The following CDK13 variants were observed in gnomAD, a reference collection of about 807,000 sequenced individuals.
CDK13 encodes cyclin dependent kinase 13.
In CDK13, 40 loss-of-function variants were observed where a neutral mutation model predicts 137.6. The observed-to-expected ratio is 0.29, with a 90% CI of 0.23 to 0.38. CDK13 has a LOEUF of 0.38. CDK13 is among the 10% of genes least tolerant of loss of function. The probability of loss-of-function intolerance (pLI) is 1.00; values close to 1 mark genes in which losing one functional copy is unlikely to be tolerated. For missense variants in CDK13, 1,704 were observed against 1,951.8 expected (o/e 0.87, Z 2.39); for synonymous variants, 869 against 760.1 (o/e 1.14, Z -2.36).
intron 5 of CDK13, among the ~76,000 whole-genome samples, chr7:40,018,277 G>A (rs1397738707): frequency 2.6e-5 from 4 of 151,962 alleles, no homozygotes; most frequent in Admixed American, 1.3e-4. Context: ...AATTAGGGAT[G>A]TAGTATAGAA....
intron 1 of CDK13, among the ~76,000 whole-genome samples, chr7:39,972,198 CTT>C (rs1784014651): frequency 6.6e-6 from 1 of 152,272 alleles, no homozygotes; most frequent in Admixed American, 6.5e-5. Context: ...AGCCACGTGT[CTT>C]TTTGTTGTTG....
intron 5 of CDK13, among the ~76,000 whole-genome samples, chr7:40,041,540 G>A (rs914252234): frequency 6.6e-6 from 1 of 151,928 alleles, no homozygotes; most frequent in African/African-American, 2.4e-5. Context: ...AGAACTCGTA[G>A]CATTTTTTAA....
At chr7:39,965,360 A>G (rs1008503717) in intron 1 of CDK13, among the ~76,000 whole-genome samples, 1 of 152,048 alleles carries the variant, frequency 6.6e-6, no homozygotes, top group African/African-American at 2.4e-5. Flanking sequence ...TGATCCCTTT[A>G]CCATTATGTA....
intron 2 of CDK13, among the ~76,000 whole-genome samples, chr7:39,992,372 A>G (rs1371495069): frequency 2.6e-5 from 4 of 151,868 alleles, no homozygotes; most frequent in Non-Finnish European, 4.4e-5. Context: ...TAAATTTTGT[A>G]TTTTTAGTTG....
rs1787180747 is a variant in CDK13, at chr7:39,951,335, C to A, written c.694C>A (p.Arg232Ser). The A allele has an allele frequency of 6.9e-7, 1 of 1,447,750 alleles. No homozygotes were observed. Among genetic ancestry groups the A allele is most frequent in the East Asian group, 2.9e-5 (1 of 34,528 alleles). 89.7% of individuals were successfully genotyped at this position (1,447,750 alleles called of 1,614,324 possible). The change falls in exon 1 of 14, where the codon CGC (arginine) becomes AGC (serine). Residue 232 changes from arginine (R) to serine (S), a missense_variant. Physicochemically the swap from Arg to Ser is moderately radical, Grantham distance 110 (BLOSUM62 -1). This residue lies in a region of CDK13 where 1,051 missense variants were observed against 931.0 expected (regional missense o/e 1.13). Transcript: ENST00000181839. The part of the protein sequence containing the change: ...QRGGSEASKS[R>S]SRHSHSGEER... ...CGGTGGCAGCGAGGCCTCCAAGTCC[C>A]GCAGCCGCCACAGCCACAGCGGCGA... is the stretch of plus-strand genomic sequence containing the variant.
intron 5 of CDK13, among the ~76,000 whole-genome samples, chr7:40,012,411 C>G (rs539417296): frequency 1.3e-5 from 2 of 152,086 alleles, no homozygotes; most frequent in East Asian, 1.9e-4. Flanking sequence ...CCAGCCTGGG[C>G]AACATAGCAA....
chr7:40,090,010 ATTG>A (rs1786886792), intron 12 of CDK13, among the ~76,000 whole-genome samples: 1 of 152,188 alleles, frequency 6.6e-6, no homozygotes, highest in Admixed American at 6.5e-5. Flanking sequence ...ACCAAAAGCA[ATTG>A]TTATTTGTTG....
intron 9 of CDK13, 21 bp downstream of exon 9, chr7:40,063,121 T>C (rs1049905611): frequency 1.3e-6 from 2 of 1,540,338 alleles, no homozygotes; most frequent in Non-Finnish European, 1.8e-6. Context: ...GATTATAATA[T>C]TGGTGGGAAT....
chr7:39,987,108 ATCTT>A (rs1335444695), intron 1 of CDK13: 2 of 152,300 alleles, frequency 1.3e-5, no homozygotes, highest in Non-Finnish European at 2.9e-5. Context: ...TCTTAAAACT[ATCTT>A]TCTGAAACGA....
chr7:40,085,573 CAACAGA>C (rs1229143010), intron 11 of CDK13: 1 of 152,508 alleles, frequency 6.6e-6, no homozygotes, highest in East Asian at 1.9e-4. Flanking sequence ...TAAGGTATCC[CAACAGA>C]GACTGAGACC....
intron 5 of CDK13, among the ~76,000 whole-genome samples, chr7:40,008,924 CA>C (rs1348698778): frequency 6.6e-6 from 1 of 152,134 alleles, no homozygotes; most frequent in African/African-American, 2.4e-5. Flanking sequence ...TAAGGTCAGG[CA>C]TTCATAGTTT....
chr7:39,991,682 TAACTACTGG>T (rs373391827), intron 2 of CDK13, among the ~76,000 whole-genome samples: 236 of 152,266 alleles, frequency 1.5e-3, no homozygotes, highest in African/African-American at 5.6e-3. Context: ...AGCATCTGTG[TAACTACTGG>T]AACTACTGGA....
rs1240957915 is a variant in CDK13 at position 40,092,996 on chromosome 7, A to G, written c.3447A>G (p.Gln1149=). 3 of 1,614,064 alleles carry G rather than the reference A, an allele frequency of 1.9e-6. No homozygotes were observed. The highest frequency in any genetic ancestry group is 2.7e-5 in the African/African-American group (2 of 74,932). The change falls in exon 13 of 14, where the codon CAA becomes CAG. Residue 1149 remains glutamine, a synonymous_variant. Coordinates refer to ENST00000181839, the MANE Select transcript of CDK13 (RefSeq NM_003718.5). The part of the protein sequence containing the change: ...GEKQTDPSTP[Q]QESSKPLGGI... ...AACAGACAGATCCATCAACACCACA[A>G]CAGGAGTCTTCGAAACCGTTGGGAG... is the stretch of plus-strand genomic sequence containing the variant.
chr7:40,002,031 G>C lies in CDK13; in HGVS notation c.2353G>C (p.Gly785Arg). Reference protein sequence around the residue: ...EDALDFKKDKGAFYLVFEYMD... With the variant: ...EDALDFKKDKRAFYLVFEYMD... ...TGCTTTGGATTTCAAGAAGGACAAA[G>C]GTATGTGTGCATATTTAAATAACGA... The change falls in exon 5 of 14, where the codon GGT becomes CGT. Residue 785 changes from glycine (G) to arginine (R), a missense_variant and splice_region_variant. This residue lies in a region of CDK13 where 130 missense variants were observed against 362.4 expected (regional missense o/e 0.36). Coordinates refer to ENST00000181839, the MANE Select transcript of CDK13 (RefSeq NM_003718.5). The C allele has an allele frequency of 6.3e-7, 1 of 1,590,890 alleles. No homozygotes were observed. The highest frequency in any genetic ancestry group is 2.2e-5 in the East Asian group (1 of 44,504).
chr7:40,076,378 T>C (rs561065515), intron 9 of CDK13, among the ~76,000 whole-genome samples: 2 of 152,300 alleles, frequency 1.3e-5, no homozygotes, highest in African/African-American at 4.8e-5. Flanking sequence ...GATCTGAATC[T>C]TGAGAAGTGA....
chr7:39,970,989 C>T (rs1402815024), intron 1 of CDK13, among the ~76,000 whole-genome samples: 1 of 152,110 alleles, frequency 6.6e-6, no homozygotes. Context: ...GATAAAGTCT[C>T]CATTTTGAAA....
At chr7:40,037,642 A>G (rs1194912599) in intron 5 of CDK13, among the ~76,000 whole-genome samples, 1 of 152,210 alleles carries the variant, frequency 6.6e-6, no homozygotes, top group Non-Finnish European at 1.5e-5. Context: ...ATTTAGGACC[A>G]TTTTGGAGGC....
intron 9 of CDK13, chr7:40,070,256 A>G: frequency 6.6e-6 from 1 of 150,962 alleles, no homozygotes; most frequent in Admixed American, 6.6e-5. Flanking sequence ...AAATAAAAAA[A>G]CAATTAGCTG....
At chr7:39,981,875 T>C (rs1311342542) in intron 1 of CDK13, among the ~76,000 whole-genome samples, 1 of 149,754 alleles carries the variant, frequency 6.7e-6, no homozygotes, top group African/African-American at 2.5e-5. Context: ...CACTGCAAGC[T>C]CTGCCTCCCG....
Sources: allele counts gnomAD v4.1 joint callset (sites outside exome capture counted in the v4.1 genomes callset), GRCh38; gene constraint gnomAD v4.1.1; regional missense constraint gnomAD v4.1.1; transcripts MANE v1.5; gene names NCBI Gene and HGNC (gene_info 2026-07-23, HGNC 2026-07-21).